Variants in EXOC6 observed in about 807,000 individuals in gnomAD.
The protein encoded by EXOC6 is exocyst complex component 6.
A neutral mutation model predicts 112.5 loss-of-function variants in EXOC6; 60 were observed. That is an observed-to-expected ratio of 0.53 (90% CI 0.43 to 0.66). EXOC6 has a LOEUF of 0.66. Among genes scored for constraint, EXOC6 ranks in the 30% least tolerant of loss-of-function variants. EXOC6 has a pLI of 0.00. For synonymous variants in EXOC6, 295 were observed against 308.0 expected, an observed-to-expected ratio of 0.96 and a Z score of 0.44; for missense variants, 855 against 957.1, an observed-to-expected ratio of 0.89 and a Z score of 1.41.
At chr10:92,841,410 A>T (rs1846846077) in intron 1 of EXOC6, among the ~76,000 whole-genome samples, 1 of 152,194 alleles carries the variant, frequency 6.6e-6, no homozygotes, top group Admixed American at 6.5e-5. Context: ...AATCACATTC[A>T]CTAATGCTTA....
chr10:92,900,814 C>G (rs1423556452), intron 5 of EXOC6: 2 of 151,946 alleles, frequency 1.3e-5, no homozygotes, highest in Non-Finnish European at 2.9e-5. Context: ...ATATTATTTT[C>G]CAGTTTGGGG....
At chr10:92,883,277 G>A (rs1410869388) in intron 1 of EXOC6, among the ~76,000 whole-genome samples, 1 of 152,170 alleles carries the variant, frequency 6.6e-6, no homozygotes, top group African/African-American at 2.4e-5. Flanking sequence ...ATGTGTATTG[G>A]ATAGGATGAT....
At chr10:92,929,524 T>C (rs1447584762) in intron 9 of EXOC6, among the ~76,000 whole-genome samples, 1 of 152,116 alleles carries the variant, frequency 6.6e-6, no homozygotes, top group Non-Finnish European at 1.5e-5. Flanking sequence ...ACAACAAAAA[T>C]AGATTCTAAA....
intron 19 of EXOC6, among the ~76,000 whole-genome samples, chr10:93,008,599 A>C (rs1844100221): frequency 6.6e-6 from 1 of 152,234 alleles, no homozygotes; most frequent in Non-Finnish European, 1.5e-5. Flanking sequence ...AGAGATTTCA[A>C]AAATTAGTCA....
intron 2 of EXOC6, among the ~76,000 whole-genome samples, chr10:92,894,069 A>G (rs998865661): frequency 6.6e-6 from 1 of 152,184 alleles, no homozygotes; most frequent in East Asian, 1.9e-4. Context: ...TGTCCTATTT[A>G]TCTTTCTTTA....
intron 18 of EXOC6, among the ~76,000 whole-genome samples, chr10:92,978,000 AT>A (rs1842696716): frequency 6.6e-6 from 1 of 152,190 alleles, no homozygotes; most frequent in African/African-American, 2.4e-5. Context: ...TTGGATTTTT[AT>A]GTCATCTAAC....
At chr10:92,850,493 T>A (rs1466387084) in intron 1 of EXOC6, among the ~76,000 whole-genome samples, 1 of 152,270 alleles carries the variant, frequency 6.6e-6, no homozygotes, top group Non-Finnish European at 1.5e-5. Flanking sequence ...GAACATTGTT[T>A]AAGCTACTAC....
intron 20 of EXOC6, among the ~76,000 whole-genome samples, chr10:93,030,844 G>A (rs1845237482): frequency 6.6e-6 from 1 of 152,120 alleles, no homozygotes. Flanking sequence ...GTGTCTCATA[G>A]TATTATTAAC....
At chr10:92,984,553 T>A (rs1468455877) in intron 18 of EXOC6, among the ~76,000 whole-genome samples, 2 of 152,154 alleles carry the variant, frequency 1.3e-5, no homozygotes, top group Non-Finnish European at 2.9e-5. Flanking sequence ...GTTGTTTTTT[T>A]AAAATTACCA....
chr10:92,877,305 C>A (rs989901649), intron 1 of EXOC6, among the ~76,000 whole-genome samples: 4 of 150,780 alleles, frequency 2.7e-5, no homozygotes, highest in Non-Finnish European at 5.9e-5. Context: ...TTTTTTTTTC[C>A]TGTAATATCC....
At chr10:92,989,783 T>TA (rs1843157720) in intron 18 of EXOC6, among the ~76,000 whole-genome samples, 1 of 152,210 alleles carries the variant, frequency 6.6e-6, no homozygotes, top group South Asian at 2.1e-4. Flanking sequence ...CTCAAATTGT[T>TA]ATTGTCAGTT....
upstream of EXOC6, chr10:92,831,443 T>G (rs1846476714): frequency 1.2e-6 from 1 of 827,952 alleles, no homozygotes; most frequent in Non-Finnish European, 1.7e-6. Context: ...TTTTTTATTT[T>G]TATTTTTCGA....
intron 1 of EXOC6, among the ~76,000 whole-genome samples, chr10:92,840,356 GT>G (rs959521030): frequency 2.0e-5 from 3 of 152,094 alleles, no homozygotes; most frequent in African/African-American, 7.2e-5. Context: ...TTTGGCCTTA[GT>G]TTCTGAAACT....
intron 1 of EXOC6, among the ~76,000 whole-genome samples, chr10:92,850,034 CTG>C (rs1286258478): frequency 6.6e-6 from 1 of 152,070 alleles, no homozygotes; most frequent in African/African-American, 2.4e-5. Context: ...TTTTAATAAA[CTG>C]TATACTTGGT....
At chr10:92,954,989 T>G (rs1853611241) in intron 16 of EXOC6, among the ~76,000 whole-genome samples, 1 of 152,028 alleles carries the variant, frequency 6.6e-6, no homozygotes, top group South Asian at 2.1e-4. Flanking sequence ...GTCAGGAGTT[T>G]GAGACCAGCC....
chr10:92,885,529 TC>T (rs1260186589), intron 1 of EXOC6, among the ~76,000 whole-genome samples: 1 of 151,900 alleles, frequency 6.6e-6, no homozygotes, highest in Non-Finnish European at 1.5e-5. Context: ...CAGGTGTGCA[TC>T]ACCACGCCTG....
intron 20 of EXOC6, among the ~76,000 whole-genome samples, chr10:93,032,934 C>T (rs1455441793): frequency 6.6e-6 from 1 of 152,062 alleles, no homozygotes. Context: ...AAATAGCATT[C>T]CTGGCAGAGG....
At chr10:92,970,657 T>C (rs1842259175) in intron 17 of EXOC6, among the ~76,000 whole-genome samples, 1 of 152,258 alleles carries the variant, frequency 6.6e-6, no homozygotes, top group Non-Finnish European at 1.5e-5. Context: ...CTTCTGTAGT[T>C]GAGGGGAAGC....
chr10:93,056,964 T>C lies in EXOC6; in HGVS notation c.2210T>C (p.Leu737Pro). ...ATGGTTTGGGATTGGTCTACTTACC[T>C]AGCTGATTATGGGCAGCCAGCTTCT... ...LFMVWDWSTY[L>P]ADYGQPASKY... The change falls in exon 21 of 22, where the codon CTA (leucine) becomes CCA (proline). Residue 737 changes from leucine to proline, a missense_variant. Leu to Pro is a moderately conservative substitution (Grantham distance 98). Coordinates refer to ENST00000260762, the MANE Select transcript of EXOC6 (RefSeq NM_019053.6). 1 of 1,600,824 alleles carries C rather than the reference T, an allele frequency of 6.2e-7. No homozygotes were observed. Among genetic ancestry groups the C allele is most frequent in the Non-Finnish European group, 8.5e-7 (1 of 1,175,798 alleles).
Sources: gnomAD v4.1 joint callset for allele counts (sites outside exome capture counted in the v4.1 genomes callset) on GRCh38, gnomAD v4.1.1 for gene constraint, MANE v1.5 for transcripts, NCBI Gene and HGNC (gene_info 2026-07-23, HGNC 2026-07-21) for gene names.